The following RIMS2 variants were observed in gnomAD, a reference collection of about 807,000 sequenced individuals.
RIMS2 encodes the protein regulating synaptic membrane exocytosis 2, also known as regulating synaptic membrane exocytosis protein 2.
In RIMS2, 59 loss-of-function variants were observed where a neutral mutation model predicts 174.4. The ratio of observed to expected loss-of-function variants is 0.34; its 90% CI spans 0.27 to 0.42. The LOEUF (loss-of-function observed/expected upper bound fraction) is 0.42, where lower values mean the gene tolerates loss of function less well. RIMS2 is among the 10% of genes least tolerant of loss of function. RIMS2 has a pLI of 1.00. For synonymous variants in RIMS2, 606 were observed against 572.5 expected, an observed-to-expected ratio of 1.06 and a Z score of -0.84; for missense variants, 1,620 against 1,666.3, an observed-to-expected ratio of 0.97 and a Z score of 0.48.
At chr8:104,163,026 A>G (rs2098773226) in intron 19 of RIMS2, among the ~76,000 whole-genome samples, 1 of 152,196 alleles carries the variant, frequency 6.6e-6, no homozygotes, top group African/African-American at 2.4e-5. Flanking sequence ...TGATAGAAAC[A>G]TCATAAAATC....
At chr8:103,817,536 T>A (rs1403702854) in intron 3 of RIMS2, among the ~76,000 whole-genome samples, 1 of 152,206 alleles carries the variant, frequency 6.6e-6, no homozygotes, top group Non-Finnish European at 1.5e-5. Context: ...ATCCCAGCAC[T>A]TTGGGAGGCC....
intron 19 of RIMS2, among the ~76,000 whole-genome samples, chr8:104,118,526 G>C (rs576149362): frequency 6.6e-6 from 1 of 151,972 alleles, no homozygotes; most frequent in East Asian, 1.9e-4. Context: ...CAGGATTACA[G>C]GCATGTGCCA....
Position 103,931,519 on chromosome 8 carries a change from C to T in RIMS2, c.2375+126C>T, listed in dbSNP as rs76449833. 9.4e-3 allele frequency: 5,324 copies of T among 568,600 alleles called. 193 individuals are homozygous for T. The highest frequency in any genetic ancestry group is 0.087 in the African/African-American group (4,497 of 51,548). The allele number at this position is 568,600 out of a possible 1,614,324, so 35.2% of individuals were successfully genotyped here. On this transcript the variant is annotated intron_variant, in intron 12 of 23. Transcript: ENST00000504942. ...TGAGATATGTGAAGTTTAACATAAACGTGATGTTCTTAGGAAACAAAATAG... is the reference window on the plus strand; with the variant it reads ...TGAGATATGTGAAGTTTAACATAAATGTGATGTTCTTAGGAAACAAAATAG...
chr8:104,066,100 G>A (rs1447048899), intron 19 of RIMS2, among the ~76,000 whole-genome samples: 1 of 152,142 alleles, frequency 6.6e-6, no homozygotes, highest in Non-Finnish European at 1.5e-5. Context: ...TTGGAATAAA[G>A]CCACACTTAT....
intron 2 of RIMS2, among the ~76,000 whole-genome samples, chr8:103,715,324 C>A (rs930204308): frequency 2.0e-5 from 3 of 152,162 alleles, no homozygotes; most frequent in Non-Finnish European, 2.9e-5. Context: ...TCCCCAACCC[C>A]TACTGCCTGC....
chr8:103,652,686 A>G (rs775979374), intron 1 of RIMS2: 1 of 1,350,560 alleles, frequency 7.4e-7, no homozygotes, highest in South Asian at 1.1e-5. Context: ...CAGCAAAAAC[A>G]ACAAAATGAA....
Position 104,149,737 on chromosome 8 carries a change from T to C in RIMS2, c.3335-95179T>C, listed in dbSNP as rs570076918. On this transcript the variant is annotated intron_variant, in intron 19 of 23. Transcript: ENST00000504942. ...CTACTAGGACTCTTGTACATAGAAG[T>C]CAGATATAAATCTACAGCACAAAAG... is the stretch of plus-strand genomic sequence containing the variant. Among the ~76,000 whole-genome samples the C allele has an allele frequency of 8.9e-4, 135 of 152,294 alleles. 1 individual carries two copies. The South Asian group carries it at 0.023, about 26-fold the overall frequency.
chr8:104,225,124 T>C (rs12677223), intron 19 of RIMS2, among the ~76,000 whole-genome samples: 61,243 of 152,064 alleles, frequency 0.4, 12,811 homozygotes, highest in East Asian at 0.63. Context: ...CTTTTAGTAC[T>C]TATTATTAGT....
chr8:103,735,730 A>G (rs1473280259), intron 2 of RIMS2, among the ~76,000 whole-genome samples: 2 of 152,158 alleles, frequency 1.3e-5, no homozygotes, highest in Non-Finnish European at 2.9e-5. Context: ...TTCTTGGTTC[A>G]TGGACCAAGC....
chr8:103,819,297 CA>C lies in RIMS2; in HGVS notation c.698+52761del, dbSNP rs1182408620. 3.6e-6 allele frequency: 5 copies of C among 1,379,452 alleles called. No individual in the cohort carries two copies. The African/African-American group carries it at 7.3e-5, about 20-fold the overall frequency. 85.5% of individuals were successfully genotyped at this position (1,379,452 alleles called of 1,614,324 possible). A position where few individuals can be genotyped will look rare whatever the true frequency, so the allele number is the denominator to read the frequency against. The stretch of plus-strand genomic sequence containing the variant: ...ACAGTCAGGAGAAAGCCGAAAGCTG[CA>C]CGGGTACTGAATCTTCTACGACTGA... On this transcript the variant is annotated intron_variant, in intron 3 of 23. Coordinates refer to ENST00000504942, the Ensembl canonical transcript of RIMS2.
At chr8:103,644,478 A>G (rs187591939) in intron 1 of RIMS2, among the ~76,000 whole-genome samples, 7 of 152,224 alleles carry the variant, frequency 4.6e-5, no homozygotes, top group Admixed American at 3.9e-4. Flanking sequence ...GGACGAATGT[A>G]GGAGTTCACT....
At chr8:104,085,144 C>A (rs1388844427) in intron 19 of RIMS2, among the ~76,000 whole-genome samples, 1 of 152,154 alleles carries the variant, frequency 6.6e-6, no homozygotes, top group Admixed American at 6.5e-5. Context: ...ACAAAATTAT[C>A]TGAATAAACA....
At chr8:103,753,339 G>C (rs2097919929) in intron 2 of RIMS2, among the ~76,000 whole-genome samples, 1 of 152,282 alleles carries the variant, frequency 6.6e-6, no homozygotes, top group Admixed American at 6.5e-5. Flanking sequence ...CAGTTTGCCA[G>C]TGTTTTATTG....
At chr8:104,147,874 A>G (rs1270351234) in intron 19 of RIMS2, among the ~76,000 whole-genome samples, 1 of 152,218 alleles carries the variant, frequency 6.6e-6, no homozygotes, top group East Asian at 1.9e-4. Context: ...GCAGTAGATT[A>G]TCAATCAGCT....
chr8:103,705,614 A>G (rs749949490), intron 2 of RIMS2, among the ~76,000 whole-genome samples: 2 of 151,940 alleles, frequency 1.3e-5, no homozygotes, highest in Non-Finnish European at 2.9e-5. Flanking sequence ...TATTTTCCCT[A>G]TATATTTGGG....
chr8:104,155,900 A>T (rs1284020300), intron 19 of RIMS2, among the ~76,000 whole-genome samples: 3 of 152,186 alleles, frequency 2.0e-5, no homozygotes, highest in African/African-American at 7.2e-5. Flanking sequence ...TTACCAAAAA[A>T]TTCTAAGTTA....
intron 2 of RIMS2, among the ~76,000 whole-genome samples, chr8:103,730,331 G>T (rs770027193): frequency 6.6e-6 from 1 of 151,800 alleles, no homozygotes; most frequent in Non-Finnish European, 1.5e-5. Context: ...ATTTCTGGGT[G>T]CTCCAGTGTT....
intron 19 of RIMS2, chr8:104,015,402 G>C (rs898671948): frequency 1.5e-6 from 1 of 673,744 alleles, no homozygotes; most frequent in East Asian, 2.7e-5. Flanking sequence ...TCTGTTTTTT[G>C]TTTTTATTTT....
At chr8:103,765,542 T>C (rs1040124184) in intron 2 of RIMS2, among the ~76,000 whole-genome samples, 6 of 152,286 alleles carry the variant, frequency 3.9e-5, no homozygotes, top group African/African-American at 1.4e-4. Context: ...AGTAAAAACA[T>C]CAGATGCATT....
Sources: allele counts gnomAD v4.1 joint callset (sites outside exome capture counted in the v4.1 genomes callset), GRCh38; gene constraint gnomAD v4.1.1; transcripts MANE v1.5; gene names NCBI Gene and HGNC (gene_info 2026-07-23, HGNC 2026-07-21).